The following LHFPL3 variants were observed in gnomAD, a reference collection of about 807,000 sequenced individuals.
LHFPL3 encodes LHFPL tetraspan subfamily member 3.
LHFPL3 carries 5 observed loss-of-function variants against 19.3 expected under a neutral mutation model. The ratio of observed to expected loss-of-function variants is 0.26; its 90% CI spans 0.14 to 0.54. The LOEUF is 0.54. LHFPL3 is among the 20% of genes least tolerant of loss of function. The pLI is 0.94. For missense variants in LHFPL3, 249 were observed against 307.4 expected, an observed-to-expected ratio of 0.81 and a Z score of 1.42; for synonymous variants, 133 against 126.2, an observed-to-expected ratio of 1.05 and a Z score of -0.36.
intron 1 of LHFPL3, among the ~76,000 whole-genome samples, chr7:104,564,273 G>T (rs1032637774): frequency 6.6e-6 from 1 of 152,070 alleles, no homozygotes; most frequent in Non-Finnish European, 1.5e-5. Flanking sequence ...ACTGAGTTAG[G>T]GTCTTAGCTT....
rs188947464 is a variant in LHFPL3 at position 104,331,811 on chromosome 7, G to A, written c.445+2587G>A. Among the ~76,000 whole-genome samples, 12 of 152,062 alleles carry A rather than the reference G, an allele frequency of 7.9e-5. No homozygotes were observed. In the East Asian group the frequency reaches 2.1e-3, roughly 27 times the overall value. On this transcript the variant is annotated intron_variant, in intron 1 of 2. Coordinates refer to ENST00000424859, the MANE Select transcript of LHFPL3 (RefSeq NM_199000.3). ...CTAAAAATACAAAAATTAGCCAGGC[G>A]TGGTGGTGGGTGCCTGTAATCCCAG...
At chr7:104,898,219 C>A (rs1449197843) in intron 2 of LHFPL3, among the ~76,000 whole-genome samples, 1 of 151,858 alleles carries the variant, frequency 6.6e-6, no homozygotes, top group African/African-American at 2.4e-5. Context: ...GTTGGCCAGG[C>A]TGGTCTCGAA....
intron 1 of LHFPL3, among the ~76,000 whole-genome samples, chr7:104,455,234 G>A (rs1461278142): frequency 2.0e-5 from 3 of 152,176 alleles, no homozygotes; most frequent in Admixed American, 2.0e-4. Flanking sequence ...AGTCATTGGT[G>A]ATGAGGCATA....
At chr7:104,610,487 T>G (rs951395381) in intron 1 of LHFPL3, among the ~76,000 whole-genome samples, 2 of 152,118 alleles carry the variant, frequency 1.3e-5, no homozygotes, top group African/African-American at 4.8e-5. Context: ...CTCCAGCTGG[T>G]TGGCAAACTG....
intron 2 of LHFPL3, chr7:104,894,726 CCT>C (rs1414564861): frequency 6.6e-6 from 1 of 152,188 alleles, no homozygotes; most frequent in Non-Finnish European, 1.5e-5. Flanking sequence ...TATTTCATCT[CCT>C]CTCTCTGTCT....
intron 1 of LHFPL3, among the ~76,000 whole-genome samples, chr7:104,562,948 G>A (rs182694030): frequency 0.016 from 2,503 of 152,254 alleles, 68 homozygotes; most frequent in African/African-American, 0.057. Flanking sequence ...GCCGTGTGAG[G>A]TGTCAGTGTG....
intron 1 of LHFPL3, among the ~76,000 whole-genome samples, chr7:104,588,148 T>C (rs1439283663): frequency 6.6e-6 from 1 of 152,234 alleles, no homozygotes; most frequent in Non-Finnish European, 1.5e-5. Context: ...ATTTCGTTTT[T>C]TGTTGCCATT....
chr7:104,503,604 C>T (rs1238334812), intron 1 of LHFPL3, among the ~76,000 whole-genome samples: 1 of 152,132 alleles, frequency 6.6e-6, no homozygotes, highest in Non-Finnish European at 1.5e-5. Flanking sequence ...GGGTCTCACC[C>T]TATCACCCAG....
At chr7:104,422,890 CAG>C (rs1488806015) in intron 1 of LHFPL3, among the ~76,000 whole-genome samples, 5 of 152,162 alleles carry the variant, frequency 3.3e-5, no homozygotes, top group African/African-American at 1.2e-4. Context: ...TTGAGAAACT[CAG>C]AGGCTATTGG....
intron 1 of LHFPL3, among the ~76,000 whole-genome samples, chr7:104,621,724 G>C (rs1021645714): frequency 1.3e-5 from 2 of 152,208 alleles, no homozygotes; most frequent in Non-Finnish European, 2.9e-5. Flanking sequence ...TTGGCAGCAG[G>C]CATGCTCCAA....
intron 2 of LHFPL3, among the ~76,000 whole-genome samples, chr7:104,771,234 C>T (rs1794545010): frequency 6.6e-6 from 1 of 152,316 alleles, no homozygotes; most frequent in South Asian, 2.1e-4. Context: ...AGACACCTGA[C>T]TAAATAATTG....
intron 2 of LHFPL3, among the ~76,000 whole-genome samples, chr7:104,829,602 T>A (rs1562806732): frequency 6.6e-6 from 1 of 151,608 alleles, no homozygotes; most frequent in African/African-American, 2.4e-5. Flanking sequence ...GTCCTTGCAA[T>A]AGTTTGCTGA....
intron 1 of LHFPL3, among the ~76,000 whole-genome samples, chr7:104,715,221 T>C (rs961111202): frequency 2.0e-5 from 3 of 152,142 alleles, no homozygotes; most frequent in African/African-American, 4.8e-5. Flanking sequence ...TCAAAAACTA[T>C]ATATGTGTAT....
At chr7:104,448,827 G>GA (rs1274526224) in intron 1 of LHFPL3, among the ~76,000 whole-genome samples, 1 of 152,050 alleles carries the variant, frequency 6.6e-6, no homozygotes, top group Non-Finnish European at 1.5e-5. Flanking sequence ...TTAGGCCCTG[G>GA]AAAAAATGTT....
At position 104,711,785 on chromosome 7, in the gene LHFPL3, A is replaced by G. The variant is rs149689947; in HGVS notation, c.446-24890A>G. 1.8e-4 allele frequency among the ~76,000 whole-genome samples: 27 copies of G among 152,284 alleles called. No individual in the cohort carries two copies. The East Asian group carries it at 5.0e-3, about 28-fold the overall frequency. ...TGAGAAAACCCAGAAGAGATTTATG[A>G]AAGGCCAGACTTGGAAGACACAGGT... On this transcript the variant is annotated intron_variant, in intron 1 of 2. Coordinates refer to ENST00000424859, the MANE Select transcript of LHFPL3 (RefSeq NM_199000.3).
intron 1 of LHFPL3, among the ~76,000 whole-genome samples, chr7:104,375,110 G>A (rs1790685686): frequency 1.3e-5 from 2 of 152,300 alleles, no homozygotes; most frequent in South Asian, 4.1e-4. Context: ...AGGCCAAGGC[G>A]GGCGGATCAC....
chr7:104,447,194 T>A (rs1334839942), intron 1 of LHFPL3, among the ~76,000 whole-genome samples: 4 of 152,088 alleles, frequency 2.6e-5, no homozygotes, highest in African/African-American at 4.8e-5. Flanking sequence ...TCAGCTTGAG[T>A]CTCAGACTGC....
intron 1 of LHFPL3, among the ~76,000 whole-genome samples, chr7:104,709,999 C>T (rs981471795): frequency 4.6e-5 from 7 of 152,176 alleles, no homozygotes; most frequent in African/African-American, 4.8e-5. Flanking sequence ...TGTAGCAAGC[C>T]GGGATCATGC....
At chr7:104,556,945 C>G (rs1789849832) in intron 1 of LHFPL3, among the ~76,000 whole-genome samples, 1 of 152,198 alleles carries the variant, frequency 6.6e-6, no homozygotes, top group Non-Finnish European at 1.5e-5. Flanking sequence ...GCCCCAGTCT[C>G]TTTGCTAAAA....
Sources: allele counts gnomAD v4.1 joint callset (sites outside exome capture counted in the v4.1 genomes callset), GRCh38; gene constraint gnomAD v4.1.1; transcripts MANE v1.5; gene names NCBI Gene and HGNC (gene_info 2026-07-23, HGNC 2026-07-21).